The following CADM2 variants were observed in gnomAD, a reference collection of about 807,000 sequenced individuals.
CADM2 encodes the protein immunoglobulin superfamily member 4D.
In CADM2, 12 loss-of-function variants were observed where a neutral mutation model predicts 49.8. The ratio of observed to expected loss-of-function variants is 0.24; its 90% CI spans 0.15 to 0.39. The LOEUF (loss-of-function observed/expected upper bound fraction) is 0.39, where lower values mean the gene tolerates loss of function less well. Among genes scored for constraint, CADM2 ranks in the 10% least tolerant of loss-of-function variants. The pLI is 1.00. For missense variants in CADM2, 378 were observed against 492.3 expected, an observed-to-expected ratio of 0.77 and a Z score of 2.20; for synonymous variants, 214 against 175.4, an observed-to-expected ratio of 1.22 and a Z score of -1.74.
chr3:85,144,427 C>T (rs1465001231), intron 1 of CADM2, among the ~76,000 whole-genome samples: 3 of 151,762 alleles, frequency 2.0e-5, no homozygotes, highest in East Asian at 3.9e-4. Flanking sequence ...CCCTGGCCAA[C>T]GTGATGAAAC....
chr3:85,070,084 A>G (rs2036665618), intron 1 of CADM2, among the ~76,000 whole-genome samples: 1 of 152,050 alleles, frequency 6.6e-6, no homozygotes, highest in Non-Finnish European at 1.5e-5. Flanking sequence ...TTTTTTTCTG[A>G]AAGTATTTTA....
At chr3:85,013,154 AAAAATACC>A (rs1421582891) in intron 1 of CADM2, among the ~76,000 whole-genome samples, 3 of 151,798 alleles carry the variant, frequency 2.0e-5, no homozygotes, top group African/African-American at 7.3e-5. Flanking sequence ...AAAAAAAAAA[AAAAATACC>A]AAATTATGGA....
intron 1 of CADM2, among the ~76,000 whole-genome samples, chr3:85,489,688 A>G (rs2039581473): frequency 6.9e-6 from 1 of 144,482 alleles, no homozygotes; most frequent in African/African-American, 2.4e-5. Context: ...AACGAAACAA[A>G]AAAAAAACAA....
chr3:85,671,713 C>T (rs1266568734), intron 1 of CADM2, among the ~76,000 whole-genome samples: 2 of 152,108 alleles, frequency 1.3e-5, no homozygotes, highest in Admixed American at 1.3e-4. Flanking sequence ...GTTCTCTATG[C>T]CTGGAAAATC....
intron 1 of CADM2, among the ~76,000 whole-genome samples, chr3:85,611,576 A>G (rs1293431832): frequency 1.3e-5 from 2 of 151,954 alleles, no homozygotes; most frequent in Admixed American, 6.6e-5. Context: ...GCAATAATTT[A>G]AAAGTGTTAC....
chr3:85,804,499 C>A (rs1407888773), intron 3 of CADM2, among the ~76,000 whole-genome samples: 1 of 152,056 alleles, frequency 6.6e-6, no homozygotes, highest in Non-Finnish European at 1.5e-5. Flanking sequence ...TTCATTCATC[C>A]CACAGGTGTA....
intron 1 of CADM2, among the ~76,000 whole-genome samples, chr3:85,268,682 A>G (rs2043172895): frequency 6.6e-6 from 1 of 151,450 alleles, no homozygotes; most frequent in African/African-American, 2.4e-5. Flanking sequence ...ACTGAATGCC[A>G]TATTACTAAT....
intron 1 of CADM2, among the ~76,000 whole-genome samples, chr3:85,252,395 G>A (rs2107864188): frequency 6.6e-6 from 1 of 151,990 alleles, no homozygotes; most frequent in East Asian, 1.9e-4. Context: ...GTGTGAGAGT[G>A]TACTTAATTA....
chr3:85,396,306 C>T (rs1263605797), intron 1 of CADM2, among the ~76,000 whole-genome samples: 1 of 151,578 alleles, frequency 6.6e-6, no homozygotes, highest in Non-Finnish European at 1.5e-5. Flanking sequence ...ATTATTTTTT[C>T]ACTTTATCAT....
chr3:85,036,688 C>G (rs1361735350), intron 1 of CADM2, among the ~76,000 whole-genome samples: 1 of 151,938 alleles, frequency 6.6e-6, no homozygotes, highest in Non-Finnish European at 1.5e-5. Flanking sequence ...CTTTTAATGG[C>G]AAAAACTACA....
At chr3:85,690,512 G>A (rs1391185915) in intron 1 of CADM2, among the ~76,000 whole-genome samples, 1 of 151,902 alleles carries the variant, frequency 6.6e-6, no homozygotes, top group African/African-American at 2.4e-5. Context: ...GAGTCAAGAG[G>A]GGACAAGAGA....
chr3:85,514,788 A>G (rs2060854608), intron 1 of CADM2, among the ~76,000 whole-genome samples: 1 of 152,124 alleles, frequency 6.6e-6, no homozygotes, highest in East Asian at 1.9e-4. Flanking sequence ...GAAGCTTGAA[A>G]TTAACTTTTC....
chr3:85,942,794 T>A (rs1722111163), intron 7 of CADM2, among the ~76,000 whole-genome samples: 1 of 152,080 alleles, frequency 6.6e-6, no homozygotes, highest in African/African-American at 2.4e-5. Context: ...GCAGTAAACA[T>A]ACGTGTGCAT....
chr3:85,999,524 A>G (rs961004092), intron 8 of CADM2, among the ~76,000 whole-genome samples: 2 of 150,358 alleles, frequency 1.3e-5, no homozygotes, highest in Non-Finnish European at 3.0e-5. Flanking sequence ...AAGAAAAAGA[A>G]AGAAGGAAGG....
At chr3:86,056,350 A>G (rs1486859739) in intron 8 of CADM2, among the ~76,000 whole-genome samples, 5 of 152,258 alleles carry the variant, frequency 3.3e-5, no homozygotes, top group Admixed American at 1.3e-4. Flanking sequence ...GCTGAAAGGA[A>G]GAGAACTATG....
chr3:85,647,763 T>A (rs1013755064), intron 1 of CADM2, among the ~76,000 whole-genome samples: 4 of 151,750 alleles, frequency 2.6e-5, no homozygotes, highest in Admixed American at 6.6e-5. Flanking sequence ...CCCCTACCCC[T>A]TATTAAAAAA....
At chr3:85,927,496 C>T (rs1192329490) in intron 6 of CADM2, among the ~76,000 whole-genome samples, 2 of 152,094 alleles carry the variant, frequency 1.3e-5, no homozygotes, top group Admixed American at 6.6e-5. Context: ...GGTACTAGCA[C>T]TCTTCTTTGT....
intron 1 of CADM2, among the ~76,000 whole-genome samples, chr3:85,348,692 A>G (rs9852796): frequency 1.3e-3 from 193 of 152,292 alleles, no homozygotes; most frequent in African/African-American, 4.4e-3. Flanking sequence ...AAATGTCTAT[A>G]TCCTAACAAA....
At chr3:85,508,500 T>C (rs2040458700) in intron 1 of CADM2, among the ~76,000 whole-genome samples, 1 of 152,158 alleles carries the variant, frequency 6.6e-6, no homozygotes, top group South Asian at 2.1e-4. Flanking sequence ...ACTTGGATGT[T>C]GGACCTGAGA....
Sources: gnomAD v4.1 joint callset for allele counts (sites outside exome capture counted in the v4.1 genomes callset) on GRCh38, gnomAD v4.1.1 for gene constraint, MANE v1.5 for transcripts, NCBI Gene and HGNC (gene_info 2026-07-23, HGNC 2026-07-21) for gene names.